Variants in DLG2 observed in about 807,000 individuals in gnomAD.
DLG2 encodes the protein discs large MAGUK scaffold protein 2.
DLG2 carries 45 observed loss-of-function variants against 132.5 expected under a neutral mutation model. The observed-to-expected ratio is 0.34, with a 90% CI of 0.27 to 0.44. The LOEUF is 0.44. Among genes scored for constraint, DLG2 ranks in the 20% least tolerant of loss-of-function variants. The pLI, the probability that DLG2 is intolerant of heterozygous loss-of-function variation, is 1.00. For missense variants in DLG2, 1,045 were observed against 1,196.9 expected (o/e 0.87, Z 1.87); for synonymous variants, 424 against 419.6 (o/e 1.01, Z -0.13).
chr11:84,679,959 AT>A (rs1280621848), intron 6 of DLG2, among the ~76,000 whole-genome samples: 1 of 152,136 alleles, frequency 6.6e-6, no homozygotes, highest in Non-Finnish European at 1.5e-5. Context: ...GGAGCTTACA[AT>A]TTAGCTCTCG....
chr11:83,939,080 C>T (rs915342435), intron 14 of DLG2, among the ~76,000 whole-genome samples: 2 of 152,180 alleles, frequency 1.3e-5, no homozygotes, highest in African/African-American at 4.8e-5. Context: ...TCACTAGCTT[C>T]CCCTTTCACT....
chr11:83,620,019 T>C (rs2061390705), intron 19 of DLG2, among the ~76,000 whole-genome samples: 1 of 152,214 alleles, frequency 6.6e-6, no homozygotes, highest in Admixed American at 6.5e-5. Flanking sequence ...AAATACCCTG[T>C]TTGTTGCAAA....
At chr11:85,121,890 A>G (rs984467453) in intron 5 of DLG2, among the ~76,000 whole-genome samples, 2 of 152,172 alleles carry the variant, frequency 1.3e-5, no homozygotes, top group Non-Finnish European at 2.9e-5. Flanking sequence ...ACATTTGTGT[A>G]TATGTGCACA....
chr11:85,226,418 A>G lies in DLG2; in HGVS notation c.186+58802T>C, dbSNP rs554183211. On this transcript the variant is annotated intron_variant, in intron 4 of 27. Coordinates refer to ENST00000376104, the MANE Select transcript of DLG2 (RefSeq NM_001142699.3). Reference sequence around the variant, plus strand: ...TTATTCACCTAAGTTTCACATTTGAATATGTTAGGACAAAACACCAGCTAC... The same window carrying G: ...TTATTCACCTAAGTTTCACATTTGAGTATGTTAGGACAAAACACCAGCTAC... Among the ~76,000 whole-genome samples the G allele has an allele frequency of 5.9e-5, 9 of 152,158 alleles. No individual in the cohort carries two copies. In the East Asian group the frequency reaches 1.7e-3, roughly 29 times the overall value.
intron 14 of DLG2, among the ~76,000 whole-genome samples, chr11:83,945,804 C>CTATG (rs1206327908): frequency 1.6e-5 from 1 of 62,130 alleles, no homozygotes; most frequent in Non-Finnish European, 3.5e-5. Flanking sequence ...AGAGAAATGC[C>CTATG]TCTGTGTGTG....
At chr11:84,857,661 A>C (rs2082969409) in intron 6 of DLG2, among the ~76,000 whole-genome samples, 1 of 152,066 alleles carries the variant, frequency 6.6e-6, no homozygotes, top group Non-Finnish European at 1.5e-5. Context: ...CCTATTTTAA[A>C]AATTATTCCC....
chr11:83,739,171 C>T (rs944149675), intron 18 of DLG2, among the ~76,000 whole-genome samples: 1 of 151,900 alleles, frequency 6.6e-6, no homozygotes, highest in African/African-American at 2.4e-5. Context: ...TTAACTGGAC[C>T]CACCACTGAT....
At chr11:84,152,451 A>G (rs978456146) in intron 9 of DLG2, among the ~76,000 whole-genome samples, 2 of 150,804 alleles carry the variant, frequency 1.3e-5, no homozygotes, top group African/African-American at 4.9e-5. Flanking sequence ...CAGTGGCGCA[A>G]TCTCGGCTCA....
intron 10 of DLG2, among the ~76,000 whole-genome samples, chr11:84,077,122 A>C (rs968788932): frequency 6.6e-6 from 1 of 152,076 alleles, no homozygotes; most frequent in African/African-American, 2.4e-5. Context: ...AGTTTTTAAA[A>C]TGTTGTCTTG....
chr11:85,625,775 T>A (rs548709446), intron 2 of DLG2, among the ~76,000 whole-genome samples: 103 of 152,336 alleles, frequency 6.8e-4, no homozygotes, highest in Non-Finnish European at 1.0e-3. Context: ...CTTGAGAAAC[T>A]CTTTACAGTT....
chr11:84,318,616 C>T (rs1452517636), intron 7 of DLG2, among the ~76,000 whole-genome samples: 1 of 152,168 alleles, frequency 6.6e-6, no homozygotes, highest in Non-Finnish European at 1.5e-5. Flanking sequence ...CTGGATAAAT[C>T]ACTGTTAGAC....
chr11:84,925,456 C>G (rs1238313807), intron 6 of DLG2, among the ~76,000 whole-genome samples: 2 of 152,096 alleles, frequency 1.3e-5, no homozygotes, highest in Non-Finnish European at 2.9e-5. Flanking sequence ...AATCCCAGTG[C>G]TATACCTGTA....
At chr11:85,317,194 G>C (rs116273548) in intron 3 of DLG2, among the ~76,000 whole-genome samples, 1 of 151,944 alleles carries the variant, frequency 6.6e-6, no homozygotes, top group Non-Finnish European at 1.5e-5. Flanking sequence ...CCAGTGTGGC[G>C]TGACAACAAC....
At chr11:84,799,994 A>G (rs984134913) in intron 6 of DLG2, among the ~76,000 whole-genome samples, 2 of 152,186 alleles carry the variant, frequency 1.3e-5, no homozygotes, top group South Asian at 4.1e-4. Context: ...AAATACCTCT[A>G]TAGAATAAAT....
At chr11:84,361,890 T>C (rs1270904220) in intron 7 of DLG2, among the ~76,000 whole-genome samples, 1 of 151,686 alleles carries the variant, frequency 6.6e-6, no homozygotes, top group East Asian at 1.9e-4. Flanking sequence ...TGAAACCACA[T>C]AAAATTAAAA....
chr11:85,318,792 C>T (rs1341739344), intron 3 of DLG2, among the ~76,000 whole-genome samples: 2 of 151,880 alleles, frequency 1.3e-5, no homozygotes, highest in Admixed American at 1.3e-4. Context: ...CCTCTTATCA[C>T]TTCCTTCCAG....
intron 17 of DLG2, chr11:83,791,496 T>G: frequency 1.5e-6 from 1 of 659,962 alleles, no homozygotes; most frequent in Non-Finnish European, 2.8e-6. Flanking sequence ...CGATGGTTGT[T>G]GTACTACCAT....
At chr11:85,506,675 G>A (rs956037096) in intron 3 of DLG2, among the ~76,000 whole-genome samples, 5 of 152,198 alleles carry the variant, frequency 3.3e-5, no homozygotes, top group Admixed American at 2.0e-4. Context: ...ATGTGGTGCT[G>A]AGAAGAATGT....
At position 85,412,725 on chromosome 11, in the gene DLG2, TCA is replaced by T. The variant is rs542505541; in HGVS notation, c.41-127362_41-127361del. Among the ~76,000 whole-genome samples, 386 of 92,258 alleles carry T rather than the reference TCA, an allele frequency of 4.2e-3. 3 individuals carry two copies. Among genetic ancestry groups the T allele is most frequent in the African/African-American group, 0.013 (323 of 24,738 alleles). 60.5% of individuals were successfully genotyped at this position (92,258 alleles called of 152,430 possible). A position where few individuals can be genotyped will look rare whatever the true frequency, so the allele number is the denominator to read the frequency against. ...TTCCTTTTGATGGCTGAGCAGTATT[TCA>T]CACACACACACACACACACACACAC... On this transcript the variant is annotated intron_variant, in intron 3 of 27. Coordinates refer to ENST00000376104, the MANE Select transcript of DLG2 (RefSeq NM_001142699.3).
Sources: gnomAD v4.1 joint callset for allele counts (sites outside exome capture counted in the v4.1 genomes callset) on GRCh38, gnomAD v4.1.1 for gene constraint, MANE v1.5 for transcripts, NCBI Gene and HGNC (gene_info 2026-07-23, HGNC 2026-07-21) for gene names.